The following SGCZ variants were observed in gnomAD, a reference collection of about 807,000 sequenced individuals.
SGCZ encodes the protein sarcoglycan zeta, also known as zeta-sarcoglycan.
Under a neutral mutation model 41.3 loss-of-function variants are expected in SGCZ, and 40 were observed. The ratio of observed to expected loss-of-function variants is 0.97; its 90% confidence interval spans 0.75 to 1.26. SGCZ has a LOEUF of 1.26. SGCZ is among the 50% of genes most tolerant of loss of function. The pLI, the probability that SGCZ is intolerant of heterozygous loss-of-function variation, is 0.00. For missense variants in SGCZ, 552 were observed against 369.8 expected, an observed-to-expected ratio of 1.49 and a Z score of -4.04; for synonymous variants, 206 against 137.5, an observed-to-expected ratio of 1.50 and a Z score of -3.49.
chr8:15,033,737 C>A (rs1217076645), intron 1 of SGCZ, among the ~76,000 whole-genome samples: 1 of 152,124 alleles, frequency 6.6e-6, no homozygotes, highest in Non-Finnish European at 1.5e-5. Flanking sequence ...ACCCCAGTCC[C>A]AGGACAGCCC....
At chr8:14,620,473 A>C (rs558836614) in intron 1 of SGCZ, among the ~76,000 whole-genome samples, 2 of 152,088 alleles carry the variant, frequency 1.3e-5, no homozygotes, top group African/African-American at 4.8e-5. Flanking sequence ...TCTGCACAGC[A>C]AAAGAAACTA....
At chr8:14,265,464 T>A (rs1043582245) in intron 3 of SGCZ, among the ~76,000 whole-genome samples, 15 of 152,180 alleles carry the variant, frequency 9.9e-5, no homozygotes, top group African/African-American at 3.4e-4. Flanking sequence ...CATTCTTGAA[T>A]ATTTGTTGGC....
At chr8:15,022,383 C>T (rs1216183202) in intron 1 of SGCZ, among the ~76,000 whole-genome samples, 1 of 151,858 alleles carries the variant, frequency 6.6e-6, no homozygotes, top group Non-Finnish European at 1.5e-5. Context: ...CTTGCTCTGT[C>T]ACCACACTGG....
intron 1 of SGCZ, among the ~76,000 whole-genome samples, chr8:14,792,965 A>T (rs916498268): frequency 8.5e-5 from 13 of 152,160 alleles, no homozygotes; most frequent in African/African-American, 3.1e-4. Context: ...CAGATCTCTC[A>T]GTCTTGAACT....
At chr8:15,066,686 GC>G (rs1329943844) in intron 1 of SGCZ, among the ~76,000 whole-genome samples, 1 of 152,008 alleles carries the variant, frequency 6.6e-6, no homozygotes, top group East Asian at 1.9e-4. Context: ...TGACTATATC[GC>G]TTTTTTCTTT....
chr8:15,047,523 C>T (rs1220114029), intron 1 of SGCZ, among the ~76,000 whole-genome samples: 1 of 152,070 alleles, frequency 6.6e-6, no homozygotes. Flanking sequence ...ATTATGTGGA[C>T]CTTTAAAGTC....
chr8:15,172,318 T>C (rs1004497399), intron 1 of SGCZ, among the ~76,000 whole-genome samples: 4 of 150,786 alleles, frequency 2.7e-5, no homozygotes, highest in Non-Finnish European at 4.4e-5. Flanking sequence ...CGCGCCACCA[T>C]GCCCGGCTAA....
intron 4 of SGCZ, among the ~76,000 whole-genome samples, chr8:14,170,812 AC>A (rs555916449): frequency 2.6e-4 from 40 of 152,240 alleles, no homozygotes; most frequent in Non-Finnish European, 3.7e-4. Flanking sequence ...AAAAATAGAA[AC>A]AAAAAATGGC....
At chr8:14,517,505 T>C (rs1802657926) in intron 2 of SGCZ, among the ~76,000 whole-genome samples, 1 of 152,108 alleles carries the variant, frequency 6.6e-6, no homozygotes, top group African/African-American at 2.4e-5. Flanking sequence ...AGTGCTAAAA[T>C]AGGCCTTTAA....
chr8:14,555,340 G>A (rs771396988), intron 1 of SGCZ, among the ~76,000 whole-genome samples: 8 of 151,962 alleles, frequency 5.3e-5, no homozygotes, highest in African/African-American at 1.7e-4. Context: ...GGCTCCTGGC[G>A]AAAGGTGATG....
At chr8:14,684,968 A>C (rs564124511) in intron 1 of SGCZ, among the ~76,000 whole-genome samples, 25 of 152,324 alleles carry the variant, frequency 1.6e-4, no homozygotes, top group African/African-American at 5.5e-4. Flanking sequence ...TAAATGTACA[A>C]GCAAACTTTG....
chr8:15,087,739 T>C (rs1585549844), intron 1 of SGCZ, among the ~76,000 whole-genome samples: 1 of 152,172 alleles, frequency 6.6e-6, no homozygotes, highest in South Asian at 2.1e-4. Context: ...AGTATTAACA[T>C]ATGATTAAGT....
intron 1 of SGCZ, among the ~76,000 whole-genome samples, chr8:15,060,887 T>A (rs1332666479): frequency 2.0e-5 from 3 of 152,108 alleles, no homozygotes; most frequent in Non-Finnish European, 4.4e-5. Flanking sequence ...TTCAGTTTAG[T>A]TTTTAGCCTT....
chr8:15,077,502 G>A (rs557808580), intron 1 of SGCZ, among the ~76,000 whole-genome samples: 1 of 152,252 alleles, frequency 6.6e-6, no homozygotes, highest in African/African-American at 2.4e-5. Flanking sequence ...TCCACCATAT[G>A]GCAGTCAATC....
chr8:14,180,023 T>C (rs1050955468), intron 4 of SGCZ, among the ~76,000 whole-genome samples: 1 of 152,164 alleles, frequency 6.6e-6, no homozygotes. Flanking sequence ...CAAAGGGATA[T>C]ATTGCGATTT....
intron 5 of SGCZ, among the ~76,000 whole-genome samples, chr8:14,137,499 C>T (rs1803236346): frequency 6.6e-6 from 1 of 152,074 alleles, no homozygotes; most frequent in African/African-American, 2.4e-5. Flanking sequence ...CCTGATGGAG[C>T]TGAAACAATG....
At chr8:14,886,781 G>A (rs1462917449) in intron 1 of SGCZ, among the ~76,000 whole-genome samples, 1 of 152,144 alleles carries the variant, frequency 6.6e-6, no homozygotes, top group African/African-American at 2.4e-5. Flanking sequence ...GTAGCAACAT[G>A]GTAGAATTTG....
Position 14,497,619 on chromosome 8 carries a change from A to C in SGCZ, c.234+57113T>G, listed in dbSNP as rs185462597. On this transcript the variant is annotated intron_variant, in intron 2 of 7. Transcript: ENST00000382080. ...GAGAGAGAGAGAGAGCTCATCAGCT[A>C]TTGTTAGTGTTAGTGTATTTTATGT... 2.2e-4 allele frequency among the ~76,000 whole-genome samples: 33 copies of C among 151,904 alleles called. No individual in the cohort carries two copies. In the East Asian group the frequency reaches 2.5e-3, roughly 12 times the overall value.
At chr8:14,103,818 G>C (rs1203688457) in intron 6 of SGCZ, among the ~76,000 whole-genome samples, 2 of 152,006 alleles carry the variant, frequency 1.3e-5, no homozygotes, top group African/African-American at 4.8e-5. Flanking sequence ...TAGAATATTT[G>C]AAAACTTGAA....
Sources: gnomAD v4.1 joint callset for allele counts (sites outside exome capture counted in the v4.1 genomes callset) on GRCh38, gnomAD v4.1.1 for gene constraint, MANE v1.5 for transcripts, NCBI Gene and HGNC (gene_info 2026-07-23, HGNC 2026-07-21) for gene names.